The following PROS1 variants were observed in gnomAD, a reference collection of about 807,000 sequenced individuals.
PROS1 encodes protein S.
A neutral mutation model predicts 75.9 loss-of-function variants in PROS1; 29 were observed. The observed-to-expected ratio is 0.38, with a 90% CI of 0.28 to 0.52. PROS1 has a LOEUF of 0.52. PROS1 is among the 20% of genes least tolerant of loss of function. The pLI is 0.83. For missense variants in PROS1, 680 were observed against 810.3 expected (o/e 0.84, Z 1.95); for synonymous variants, 245 against 280.6 (o/e 0.87, Z 1.27).
chr3:93,940,824 C>A (rs1709272813), intron 1 of PROS1, among the ~76,000 whole-genome samples: 1 of 152,164 alleles, frequency 6.6e-6, no homozygotes, highest in Non-Finnish European at 1.5e-5. Flanking sequence ...GCTTCTAAAA[C>A]TTATAAACTC....
At chr3:93,943,547 G>T (rs1709326474) in intron 1 of PROS1, among the ~76,000 whole-genome samples, 1 of 151,816 alleles carries the variant, frequency 6.6e-6, no homozygotes, top group African/African-American at 2.4e-5. Flanking sequence ...CTCCCACATT[G>T]CCCCTAATCC....
At chr3:93,877,637 A>G (rs1004415049) in intron 13 of PROS1, among the ~76,000 whole-genome samples, 6 of 152,220 alleles carry the variant, frequency 3.9e-5, no homozygotes, top group Non-Finnish European at 8.8e-5. Flanking sequence ...TGTGCCACAC[A>G]AGCAATCCTA....
rs979382254 is a variant in PROS1, at chr3:93,940,623, C to G, written c.77-13216G>C. 3.3e-5 allele frequency among the ~76,000 whole-genome samples: 5 copies of G among 152,166 alleles called. No homozygotes were observed. The South Asian group carries it at 1.0e-3, about 32-fold the overall frequency. The stretch of plus-strand genomic sequence containing the variant: ...TGCTTCCCTGATGCCACCCTTCTTC[C>G]CAACCCAAAGCCTCCTTCACATCTT... On this transcript the variant is annotated intron_variant, in intron 1 of 14. Coordinates refer to ENST00000394236, the MANE Select transcript of PROS1 (RefSeq NM_000313.4).
intron 1 of PROS1, among the ~76,000 whole-genome samples, chr3:93,971,765 C>T (rs1709886024): frequency 6.6e-6 from 1 of 151,940 alleles, no homozygotes; most frequent in Admixed American, 6.6e-5. Context: ...GATCATGCCA[C>T]TGCACTCCAG....
chr3:93,934,698 T>A (rs1048610813), intron 1 of PROS1, among the ~76,000 whole-genome samples: 1 of 152,092 alleles, frequency 6.6e-6, no homozygotes, highest in Non-Finnish European at 1.5e-5. Flanking sequence ...ATGTTACACA[T>A]ATAAAGGCGA....
At chr3:93,905,388 T>C (rs755029433) in intron 6 of PROS1, among the ~76,000 whole-genome samples, 29 of 152,258 alleles carry the variant, frequency 1.9e-4, no homozygotes, top group Admixed American at 6.5e-4. Flanking sequence ...GACAGGAGGC[T>C]CACTTGAGTT....
At chr3:93,883,255 T>C (rs1708297897) in intron 12 of PROS1, among the ~76,000 whole-genome samples, 1 of 152,046 alleles carries the variant, frequency 6.6e-6, no homozygotes, top group Admixed American at 6.6e-5. Context: ...GGAGAGACAT[T>C]TTCTTGAGGC....
Position 93,908,003 on chromosome 3 carries a change from C to T in PROS1, c.347-1860G>A, listed in dbSNP as rs139459610. On this transcript the variant is annotated intron_variant, in intron 4 of 14. Coordinates refer to ENST00000394236, the MANE Select transcript of PROS1 (RefSeq NM_000313.4). ...TCTTTACGAAAAATACAAAACTTAGCGGGGCGTGGTGGCACATGCCTGTAG... is the reference window on the plus strand; with the variant it reads ...TCTTTACGAAAAATACAAAACTTAGTGGGGCGTGGTGGCACATGCCTGTAG... 2.0e-3 allele frequency among the ~76,000 whole-genome samples: 300 copies of T among 152,076 alleles called. 1 individual carries two copies. Among genetic ancestry groups the T allele is most frequent in the African/African-American group, 6.7e-3 (276 of 41,500 alleles).
intron 9 of PROS1, among the ~76,000 whole-genome samples, chr3:93,896,043 A>G (rs559022821): frequency 7.4e-4 from 113 of 152,322 alleles, no homozygotes; most frequent in African/African-American, 2.6e-3. Context: ...ACTAAAAAAC[A>G]TAAGCATTTA....
At chr3:93,900,573 T>C (rs1708577124) in intron 7 of PROS1, among the ~76,000 whole-genome samples, 2 of 152,230 alleles carry the variant, frequency 1.3e-5, no homozygotes, top group East Asian at 1.9e-4. Flanking sequence ...CTCCAATTCA[T>C]AGGTAGCTCA....
At chr3:93,901,658 A>G (rs534644685) in intron 6 of PROS1, among the ~76,000 whole-genome samples, 1 of 152,350 alleles carries the variant, frequency 6.6e-6, no homozygotes, top group East Asian at 1.9e-4. Context: ...TTTCTATTCT[A>G]AAAGTTGACA....
At chr3:93,958,798 C>T (rs780208508) in intron 1 of PROS1, 2 of 152,342 alleles carry the variant, frequency 1.3e-5, no homozygotes, top group Non-Finnish European at 2.9e-5. Flanking sequence ...ACTTGCTCTT[C>T]CTTGCCTTCC....
chr3:93,882,112 A>C (rs1487455236), intron 12 of PROS1, among the ~76,000 whole-genome samples: 1 of 152,168 alleles, frequency 6.6e-6, no homozygotes. Context: ...TACAAAATTT[A>C]ATTTTTGAAC....
chr3:93,967,436 T>C (rs964853596), intron 1 of PROS1, among the ~76,000 whole-genome samples: 2 of 152,234 alleles, frequency 1.3e-5, no homozygotes, highest in African/African-American at 4.8e-5. Flanking sequence ...ATAGTTTTCC[T>C]TGGCCTTAGT....
chr3:93,906,883 C>T (rs1321781224), intron 4 of PROS1, among the ~76,000 whole-genome samples: 4 of 152,210 alleles, frequency 2.6e-5, no homozygotes, highest in African/African-American at 4.8e-5. Flanking sequence ...CTCAGGGCAG[C>T]GCTAACATGC....
chr3:93,908,860 A>C (rs1173901792), intron 4 of PROS1, among the ~76,000 whole-genome samples: 1 of 152,210 alleles, frequency 6.6e-6, no homozygotes, highest in African/African-American at 2.4e-5. Context: ...GTTTGGAAGA[A>C]GCAAAGAAAA....
chr3:93,884,387 C>A (rs1708316113), intron 12 of PROS1, among the ~76,000 whole-genome samples: 1 of 152,034 alleles, frequency 6.6e-6, no homozygotes, highest in African/African-American at 2.4e-5. Flanking sequence ...AATAGAAATG[C>A]TAGAAATGAA....
intron 6 of PROS1, among the ~76,000 whole-genome samples, chr3:93,904,328 T>G (rs1013158041): frequency 2.0e-5 from 3 of 152,158 alleles, no homozygotes; most frequent in Non-Finnish European, 4.4e-5. Context: ...TGGGTATATA[T>G]TCTAAGTAGT....
At chr3:93,922,746 CA>C (rs1290216098) in intron 3 of PROS1, among the ~76,000 whole-genome samples, 2 of 151,568 alleles carry the variant, frequency 1.3e-5, no homozygotes, top group Non-Finnish European at 2.9e-5. Context: ...CATCAAATAA[CA>C]AAAAAAGTGT....
Sources: gnomAD v4.1 joint callset for allele counts (sites outside exome capture counted in the v4.1 genomes callset) on GRCh38, gnomAD v4.1.1 for gene constraint, MANE v1.5 for transcripts, NCBI Gene and HGNC (gene_info 2026-07-23, HGNC 2026-07-21) for gene names.